OPA1: variants seen among roughly 807,000 people sequenced by gnomAD.
OPA1 encodes the protein OPA1 mitochondrial dynamin like GTPase, also known as dynamin-like GTPase OPA1, mitochondrial.
Under a neutral mutation model 152.9 loss-of-function variants are expected in OPA1, and 59 were observed. That is an observed-to-expected ratio of 0.39 (90% CI 0.31 to 0.48). The LOEUF is 0.48. Ranked by LOEUF, OPA1 falls within the 20% of genes least tolerant of loss-of-function variation. The pLI is 0.96. For missense variants in OPA1, 1,008 were observed against 1,216.8 expected (o/e 0.83, Z 2.55); for synonymous variants, 400 against 389.9 (o/e 1.03, Z -0.31).
At chr3:193,652,551 G>A (rs905547481) in intron 21 of OPA1, among the ~76,000 whole-genome samples, 2 of 152,242 alleles carry the variant, frequency 1.3e-5, no homozygotes, top group South Asian at 4.2e-4. Flanking sequence ...AGACTGGGGT[G>A]AGGAGGACTT....
At chr3:193,682,817 G>A (rs556292582) in intron 29 of OPA1, among the ~76,000 whole-genome samples, 3 of 152,190 alleles carry the variant, frequency 2.0e-5, no homozygotes, top group Non-Finnish European at 2.9e-5. Flanking sequence ...CAAGAGTTCT[G>A]AGGGAGATGT....
intron 21 of OPA1, 42 bp from the exon 22 acceptor site, chr3:193,654,820 A>G: frequency 6.3e-7 from 1 of 1,589,392 alleles, no homozygotes; most frequent in Non-Finnish European, 8.6e-7. Context: ...TAAAAACAAT[A>G]TTATATTTAG....
At chr3:193,685,301 CAA>C (rs879563779) in intron 29 of OPA1, among the ~76,000 whole-genome samples, 1 of 128,344 alleles carries the variant, frequency 7.8e-6, no homozygotes, top group African/African-American at 2.9e-5. Context: ...GACTCCATCT[CAA>C]AAAAAAAAAA....
Position 193,662,831 on chromosome 3 carries a change from A to G in OPA1, c.2530A>G (p.Asn844Asp), listed in dbSNP as rs1460970860. ...TTTAAACATTTTAAAGTGTGTTCAC[A>G]ATGAAACCAAGAATGAATTGGAGAA... ...KNRTQEQCVH[N>D]ETKNELEKML... is the part of the protein sequence containing the mutation. The change falls in exon 26 of 31, where the codon AAT (asparagine) becomes GAT (aspartate). Residue 844 changes from asparagine (N) to aspartate (D), a missense_variant. Asn to Asp is a conservative substitution (Grantham distance 23). This residue lies in a region of OPA1 where 229 missense variants were observed against 269.0 expected (regional missense o/e 0.85). Coordinates refer to ENST00000361510, the MANE Select transcript of OPA1 (RefSeq NM_130837.3). 2 of 1,613,288 alleles carry G rather than the reference A, an allele frequency of 1.2e-6. No homozygotes were observed. Among genetic ancestry groups the G allele is most frequent in the East Asian group, 2.2e-5 (1 of 44,848 alleles).
At chr3:193,623,907 TATC>T (rs901259815) in intron 6 of OPA1, among the ~76,000 whole-genome samples, 8 of 152,192 alleles carry the variant, frequency 5.3e-5, no homozygotes, top group African/African-American at 1.9e-4. Context: ...ATAAGTGTAG[TATC>T]ATGTAAATAG....
chr3:193,687,592 AAT>A (rs1459003628), intron 29 of OPA1, among the ~76,000 whole-genome samples: 1 of 152,226 alleles, frequency 6.6e-6, no homozygotes, highest in Non-Finnish European at 1.5e-5. Flanking sequence ...TAGTTACAAT[AAT>A]ATTTTTGAAA....
chr3:193,622,475 C>T (rs1180848145), intron 6 of OPA1, among the ~76,000 whole-genome samples: 4 of 152,224 alleles, frequency 2.6e-5, no homozygotes, highest in Admixed American at 1.3e-4. Context: ...GGTCCGTCCA[C>T]CTCTGCCTCC....
intron 29 of OPA1, among the ~76,000 whole-genome samples, chr3:193,676,823 A>G (rs1269514609): frequency 2.0e-5 from 3 of 152,066 alleles, no homozygotes; most frequent in African/African-American, 7.2e-5. Flanking sequence ...TACTAAAAAT[A>G]CAAAAAATTT....
chr3:193,674,012 A>C (rs1718473733), intron 29 of OPA1, among the ~76,000 whole-genome samples: 1 of 152,114 alleles, frequency 6.6e-6, no homozygotes, highest in Non-Finnish European at 1.5e-5. Flanking sequence ...CTTTTACTGG[A>C]GCTTGTGGGG....
rs1294049880 is a variant in OPA1, at chr3:193,638,256, A to AG, written c.1149+192dup. Among the ~76,000 whole-genome samples the AG allele has an allele frequency of 1.8e-4, 27 of 152,266 alleles. 1 individual carries two copies. Among genetic ancestry groups the AG allele is most frequent in the African/African-American group, 6.5e-4 (27 of 41,554 alleles). On this transcript the variant is annotated intron_variant, in intron 11 of 30. Coordinates refer to ENST00000361510, the MANE Select transcript of OPA1 (RefSeq NM_130837.3). ...AGTGTGGCAGGAGCTGAGTGAGGGG[A>AG]GAGTGGTAGGAGAGGATGACAGAGA...
intron 28 of OPA1, among the ~76,000 whole-genome samples, chr3:193,666,590 C>G (rs902374019): frequency 2.0e-5 from 3 of 152,076 alleles, no homozygotes; most frequent in Non-Finnish European, 4.4e-5. Flanking sequence ...TAGTTTGAGA[C>G]CAGCCTGGGC....
chr3:193,612,844 G>A lies in OPA1; in HGVS notation c.33-1879G>A, dbSNP rs184383921. ...AATTATCAAATCCAATTTGATCTTG[G>A]ATCCAGTCCAGGCTAAGTATTGCTT... On this transcript the variant is annotated intron_variant, in intron 1 of 30. Coordinates refer to ENST00000361510, the MANE Select transcript of OPA1 (RefSeq NM_130837.3). 9.9e-4 allele frequency among the ~76,000 whole-genome samples: 151 copies of A among 152,214 alleles called. 1 individual carries two copies. The highest frequency in any genetic ancestry group is 1.7e-3 in the Non-Finnish European group (116 of 68,008).
At chr3:193,643,173 A>G in intron 13 of OPA1, 124 bp downstream of exon 13, 1 of 937,714 alleles carries the variant, frequency 1.1e-6, no homozygotes, top group Non-Finnish European at 1.7e-6. Context: ...GCTTTTAAAA[A>G]AAAATCCAAA....
At chr3:193,652,719 G>A (rs1211890521) in intron 21 of OPA1, among the ~76,000 whole-genome samples, 2 of 152,094 alleles carry the variant, frequency 1.3e-5, no homozygotes, top group Admixed American at 1.3e-4. Context: ...ATGGAACCGG[G>A]TATTACAGGA....
At chr3:193,600,250 C>A (rs1304806943) in intron 1 of OPA1, among the ~76,000 whole-genome samples, 2 of 152,186 alleles carry the variant, frequency 1.3e-5, no homozygotes, top group Non-Finnish European at 2.9e-5. Flanking sequence ...ATCATAAAGA[C>A]TTATTTGGTC....
chr3:193,674,514 T>G (rs1718567643), intron 29 of OPA1, among the ~76,000 whole-genome samples: 1 of 152,246 alleles, frequency 6.6e-6, no homozygotes, highest in Non-Finnish European at 1.5e-5. Context: ...GTATCATAAC[T>G]GCTTAAATCT....
At position 193,658,927 on chromosome 3, in the gene OPA1, C is replaced by G; in HGVS notation, c.2372C>G (p.Ser791Cys). The change falls in exon 24 of 31, where the codon TCT becomes TGT. Residue 791 changes from serine (S) to cysteine (C), a missense_variant. By Grantham distance (112) the Ser-to-Cys change is moderately radical. This residue lies in a region of OPA1 where 229 missense variants were observed against 269.0 expected (regional missense o/e 0.85). Coordinates refer to ENST00000361510, the MANE Select transcript of OPA1 (RefSeq NM_130837.3). Reference protein sequence around the residue: ...QHNALEDRSISDKQQWDAAIY... With the variant: ...QHNALEDRSICDKQQWDAAIY... ...AATGCTTTGGAAGACCGATCCATAT[C>G]TGATAAACAGCAATGGGATGCAGCT... 6.2e-7 allele frequency: 1 copy of G among 1,613,898 alleles called. No homozygotes were observed. The highest frequency in any genetic ancestry group is 8.5e-7 in the Non-Finnish European group (1 of 1,179,836).
intron 1 of OPA1, among the ~76,000 whole-genome samples, chr3:193,611,785 A>T (rs192731156): frequency 6.6e-6 from 1 of 151,926 alleles, no homozygotes; most frequent in Non-Finnish European, 1.5e-5. Flanking sequence ...TGAGCCCAGG[A>T]TGTTTCACAA....
At chr3:193,622,223 A>ATT (rs1162240613) in intron 6 of OPA1, among the ~76,000 whole-genome samples, 1 of 109,110 alleles carries the variant, frequency 9.2e-6, no homozygotes, top group South Asian at 3.0e-4. Flanking sequence ...TATTACTCTC[A>ATT]TTCTTTTTTT....
Sources: allele counts gnomAD v4.1 joint callset (sites outside exome capture counted in the v4.1 genomes callset), GRCh38; gene constraint gnomAD v4.1.1; regional missense constraint gnomAD v4.1.1; transcripts MANE v1.5; gene names NCBI Gene and HGNC (gene_info 2026-07-23, HGNC 2026-07-21).